The following GUCY1A2 variants were observed in gnomAD, a reference collection of about 807,000 sequenced individuals.
GUCY1A2 encodes the protein guanylate cyclase soluble subunit alpha-2.
A neutral mutation model predicts 63.5 loss-of-function variants in GUCY1A2; 27 were observed. The observed-to-expected ratio is 0.43, with a 90% CI of 0.31 to 0.59. The LOEUF is 0.59. Ranked by LOEUF, GUCY1A2 falls within the 20% of genes least tolerant of loss-of-function variation. The probability of loss-of-function intolerance (pLI) is 0.11; values close to 1 mark genes in which losing one functional copy is unlikely to be tolerated. For synonymous variants in GUCY1A2, 364 were observed against 343.5 expected (o/e 1.06, Z -0.66); for missense variants, 768 against 913.3 (o/e 0.84, Z 2.05).
At chr11:106,857,466 G>A (rs1253682267) in intron 4 of GUCY1A2, among the ~76,000 whole-genome samples, 2 of 152,148 alleles carry the variant, frequency 1.3e-5, no homozygotes, top group South Asian at 2.1e-4. Flanking sequence ...ATCAGTTGCA[G>A]TCCCCTACTT....
chr11:106,706,756 A>G (rs1862920775), intron 7 of GUCY1A2, among the ~76,000 whole-genome samples: 1 of 152,006 alleles, frequency 6.6e-6, no homozygotes, highest in African/African-American at 2.4e-5. Flanking sequence ...ATGGGAATAA[A>G]TGGAACCATG....
chr11:106,761,508 T>C (rs1864065695), intron 6 of GUCY1A2, among the ~76,000 whole-genome samples: 1 of 152,154 alleles, frequency 6.6e-6, no homozygotes, highest in South Asian at 2.1e-4. Flanking sequence ...GGCAAATACA[T>C]TTGGCTCTAG....
intron 4 of GUCY1A2, among the ~76,000 whole-genome samples, chr11:106,929,461 AAT>A (rs1860572314): frequency 6.6e-6 from 1 of 152,184 alleles, no homozygotes. Context: ...CTACTCCACC[AAT>A]TCATTACTTT....
At chr11:106,903,811 T>G (rs996184196) in intron 4 of GUCY1A2, among the ~76,000 whole-genome samples, 1 of 152,200 alleles carries the variant, frequency 6.6e-6, no homozygotes, top group Non-Finnish European at 1.5e-5. Context: ...TGTCTACAAC[T>G]GCTTGCAAGC....
chr11:106,951,941 A>G (rs1860915439), intron 3 of GUCY1A2, among the ~76,000 whole-genome samples: 1 of 152,196 alleles, frequency 6.6e-6, no homozygotes, highest in South Asian at 2.1e-4. Context: ...GTCTAGTTTT[A>G]CTTTTCTGCA....
chr11:106,962,643 C>T (rs1278028958), intron 3 of GUCY1A2, among the ~76,000 whole-genome samples: 5 of 151,172 alleles, frequency 3.3e-5, no homozygotes, highest in Non-Finnish European at 1.5e-5. Flanking sequence ...ATCACATAGA[C>T]AGAATACCTG....
intron 6 of GUCY1A2, among the ~76,000 whole-genome samples, chr11:106,730,309 C>A (rs1253753492): frequency 6.6e-6 from 1 of 151,326 alleles, no homozygotes; most frequent in Non-Finnish European, 1.5e-5. Flanking sequence ...TGTCTGTTGT[C>A]CCCTCTGTAT....
At chr11:106,845,480 G>C (rs988360395) in intron 4 of GUCY1A2, among the ~76,000 whole-genome samples, 2 of 151,536 alleles carry the variant, frequency 1.3e-5, no homozygotes, top group African/African-American at 4.8e-5. Context: ...TTGCTTTCCT[G>C]AAAGATCACT....
In GUCY1A2 at chr11:106,684,664, T is replaced by C. The variant is rs1435580142; in HGVS notation, c.*2885A>G. 9.9e-6 allele frequency: 2 copies of C among 202,010 alleles called. No homozygotes were observed. Among genetic ancestry groups the C allele is most frequent in the Non-Finnish European group, 2.0e-5 (2 of 98,324 alleles). 12.5% of individuals were successfully genotyped at this position (202,010 alleles called of 1,614,324 possible). A position where few individuals can be genotyped will look rare whatever the true frequency, so the allele number is the denominator to read the frequency against. On this transcript the variant is annotated 3_prime_UTR_variant, in exon 8 of 8. Coordinates refer to ENST00000526355, the MANE Select transcript of GUCY1A2 (RefSeq NM_000855.3). ...TTCCAAACAGCAGCTTAAAAGAATA[T>C]TAAAATGCAAGAGCTATAGGTGCCA... is the stretch of plus-strand genomic sequence containing the variant.
At chr11:106,781,912 ATTTC>A (rs1486140237) in intron 5 of GUCY1A2, among the ~76,000 whole-genome samples, 2 of 152,096 alleles carry the variant, frequency 1.3e-5, no homozygotes, top group Non-Finnish European at 2.9e-5. Flanking sequence ...ATTTAAAAGA[ATTTC>A]TTTTAGCTCC....
intron 2 of GUCY1A2, among the ~76,000 whole-genome samples, chr11:106,982,927 C>T (rs1430808563): frequency 1.3e-5 from 2 of 152,206 alleles, no homozygotes; most frequent in African/African-American, 4.8e-5. Context: ...GATCCCTGGA[C>T]AAGCAGCATC....
At chr11:106,858,768 CTA>C (rs1220781960) in intron 4 of GUCY1A2, among the ~76,000 whole-genome samples, 1 of 152,088 alleles carries the variant, frequency 6.6e-6, no homozygotes, top group East Asian at 1.9e-4. Context: ...AGAAAAATCA[CTA>C]TGTTGCCAGT....
chr11:106,804,475 C>G (rs932622543), intron 5 of GUCY1A2, among the ~76,000 whole-genome samples: 2 of 152,096 alleles, frequency 1.3e-5, no homozygotes, highest in African/African-American at 4.8e-5. Flanking sequence ...AACCTAAGTA[C>G]CTAAGTACTT....
At chr11:107,012,117 T>C (rs140628083) in intron 1 of GUCY1A2, among the ~76,000 whole-genome samples, 2,054 of 152,298 alleles carry the variant, frequency 0.013, 29 homozygotes, top group South Asian at 0.045. Flanking sequence ...CAGTCAGTAA[T>C]CTGATGGAAA....
intron 3 of GUCY1A2, among the ~76,000 whole-genome samples, chr11:106,957,082 T>C (rs1236172249): frequency 6.6e-6 from 1 of 152,104 alleles, no homozygotes; most frequent in Non-Finnish European, 1.5e-5. Flanking sequence ...ACAGAGGGTG[T>C]GTTGGGCTGT....
chr11:106,991,547 T>C (rs1256029021), intron 1 of GUCY1A2, among the ~76,000 whole-genome samples: 1 of 152,130 alleles, frequency 6.6e-6, no homozygotes, highest in Non-Finnish European at 1.5e-5. Flanking sequence ...TCACTTAAGA[T>C]ATAAATATGA....
chr11:106,895,210 C>A (rs1302329180), intron 4 of GUCY1A2, among the ~76,000 whole-genome samples: 2 of 152,166 alleles, frequency 1.3e-5, no homozygotes, highest in African/African-American at 4.8e-5. Context: ...CTGTAAAGCT[C>A]TATATCTATT....
At chr11:106,885,817 AT>A (rs1430831783) in intron 4 of GUCY1A2, among the ~76,000 whole-genome samples, 1 of 152,248 alleles carries the variant, frequency 6.6e-6, no homozygotes, top group Non-Finnish European at 1.5e-5. Flanking sequence ...AGCCAATTAC[AT>A]AAACACAAGC....
At chr11:106,998,011 C>T (rs2465780) in intron 1 of GUCY1A2, among the ~76,000 whole-genome samples, 92,274 of 151,896 alleles carry the variant, frequency 0.61, 28,369 homozygotes, top group African/African-American at 0.72. Context: ...TGCCTTGTAT[C>T]TTTAGGTGTT....
Sources: gnomAD v4.1 joint callset for allele counts (sites outside exome capture counted in the v4.1 genomes callset) on GRCh38, gnomAD v4.1.1 for gene constraint, MANE v1.5 for transcripts, NCBI Gene and HGNC (gene_info 2026-07-23, HGNC 2026-07-21) for gene names.